Variants in ABLIM2 observed in about 807,000 individuals in gnomAD.
ABLIM2 encodes the protein actin-binding LIM protein 2.
Under a neutral mutation model 97.7 loss-of-function variants are expected in ABLIM2, and 53 were observed. The ratio of observed to expected loss-of-function variants is 0.54; its 90% CI spans 0.44 to 0.68. ABLIM2 has a LOEUF of 0.68. ABLIM2 is among the 30% of genes least tolerant of loss of function. The probability of loss-of-function intolerance (pLI) is 0.00; values close to 1 mark genes in which losing one functional copy is unlikely to be tolerated. For missense variants in ABLIM2, 835 were observed against 867.2 expected, an observed-to-expected ratio of 0.96 and a Z score of 0.47; for synonymous variants, 361 against 345.8, an observed-to-expected ratio of 1.04 and a Z score of -0.49.
intron 6 of ABLIM2, among the ~76,000 whole-genome samples, chr4:8,073,543 G>A (rs1813826009): frequency 6.6e-6 from 1 of 152,026 alleles, no homozygotes; most frequent in Non-Finnish European, 1.5e-5. Flanking sequence ...GCAAGGGGAG[G>A]GGTGAGGGAG....
At chr4:8,126,213 A>T (rs961100204) in intron 1 of ABLIM2, among the ~76,000 whole-genome samples, 1 of 152,300 alleles carries the variant, frequency 6.6e-6, no homozygotes, top group East Asian at 1.9e-4. Context: ...CAGAACCCAC[A>T]GGCCAGAAGG....
rs1789813002 is a variant in ABLIM2, at chr4:8,043,081, G to A, written c.900+2083C>T. ...TGGGAGGATCGCCTGAGCCCGGGGA[G>A]GTTGAGGCTGCCATGAGCCATGATC... On this transcript the variant is annotated intron_variant, in intron 9 of 20. Coordinates refer to ENST00000447017, the MANE Select transcript of ABLIM2 (RefSeq NM_001130083.2). The surrounding 1 kb of genome is among the most constrained non-coding windows in gnomAD (Gnocchi z 4.8). 6.6e-6 allele frequency among the ~76,000 whole-genome samples: 1 copy of A among 152,106 alleles called. No individual in the cohort carries two copies. Among genetic ancestry groups the A allele is most frequent in the African/African-American group, 2.4e-5 (1 of 41,408 alleles).
At chr4:8,041,017 T>C (rs1027136883) in intron 9 of ABLIM2, among the ~76,000 whole-genome samples, 1 of 152,194 alleles carries the variant, frequency 6.6e-6, no homozygotes, top group Non-Finnish European at 1.5e-5. Flanking sequence ...CTCCCTTGTG[T>C]CAAACTAAGA....
At chr4:8,152,082 C>T (rs559104446) in intron 1 of ABLIM2, among the ~76,000 whole-genome samples, 1 of 152,214 alleles carries the variant, frequency 6.6e-6, no homozygotes, top group Admixed American at 6.5e-5. Flanking sequence ...ACACCACGGC[C>T]CAGGCGAGAA....
chr4:8,126,872 C>T (rs577369813), intron 1 of ABLIM2, among the ~76,000 whole-genome samples: 2 of 152,142 alleles, frequency 1.3e-5, no homozygotes, highest in African/African-American at 4.8e-5. Context: ...TCAAGACCCA[C>T]CTGGGCAACA....
chr4:8,124,258 CT>C lies in ABLIM2; in HGVS notation c.11-17622del, dbSNP rs1846795856. 6.6e-6 allele frequency among the ~76,000 whole-genome samples: 1 copy of C among 152,244 alleles called. No individual in the cohort carries two copies. The highest frequency in any genetic ancestry group is 1.5e-5 in the Non-Finnish European group (1 of 68,050). ...CGGTGCACACATCTGAAAATCATAA[CT>C]TCATTGAGATATAATTCACATAGCC... is the stretch of plus-strand genomic sequence containing the variant. On this transcript the variant is annotated intron_variant, in intron 1 of 20. Transcript: ENST00000447017. This position sits in a 1 kb window ranked among gnomAD's most constrained non-coding sequence, Gnocchi z 6.1.
At chr4:8,080,514 C>T (rs1233496705) in intron 5 of ABLIM2, among the ~76,000 whole-genome samples, 162 bp downstream of exon 5, 1 of 152,216 alleles carries the variant, frequency 6.6e-6, no homozygotes, top group Non-Finnish European at 1.5e-5. Context: ...ATTCGCTGAG[C>T]TCTGAGCCAT....
At chr4:7,974,034 C>T (rs1025239180) in intron 20 of ABLIM2, among the ~76,000 whole-genome samples, 1 of 152,196 alleles carries the variant, frequency 6.6e-6, no homozygotes, top group African/African-American at 2.4e-5. Context: ...AGAAACCCAG[C>T]CTGGAATATC....
intron 18 of ABLIM2, 141 bp from the exon 19 acceptor site, chr4:7,983,695 G>A (rs995299143): frequency 6.7e-6 from 7 of 1,047,912 alleles, no homozygotes; most frequent in African/African-American, 3.2e-5. Flanking sequence ...CGAGCAGCCT[G>A]CACTGAGGCC....
In ABLIM2 at chr4:8,032,822, C is replaced by T. The variant is rs192029361; in HGVS notation, c.1048-3046G>A. 211 of 824,218 alleles carry T rather than the reference C, an allele frequency of 2.6e-4. 1 individual carries two copies. Among genetic ancestry groups the T allele is most frequent in the Non-Finnish European group, 3.9e-4 (195 of 502,374 alleles). The allele number at this position is 824,218 out of a possible 1,614,324, so 51.1% of individuals were successfully genotyped here. Reference sequence around the variant, plus strand: ...TCCAGACAGGAAAAGAACTCTACCCCGAGAGACACAAGTCAGGGTTCCAGA... The same window carrying T: ...TCCAGACAGGAAAAGAACTCTACCCTGAGAGACACAAGTCAGGGTTCCAGA... On this transcript the variant is annotated intron_variant, in intron 10 of 20. Transcript: ENST00000447017. This position sits in a 1 kb window ranked among gnomAD's most constrained non-coding sequence, Gnocchi z 4.3.
intron 2 of ABLIM2, among the ~76,000 whole-genome samples, chr4:8,098,419 T>G (rs1426180024): frequency 6.6e-6 from 1 of 152,226 alleles, no homozygotes; most frequent in Non-Finnish European, 1.5e-5. Flanking sequence ...AACTGTTACA[T>G]CATTCCTTTG....
In ABLIM2 at chr4:8,054,143, G is replaced by C. The variant is rs763519415; in HGVS notation, c.822+45C>G. On this transcript the variant is annotated intron_variant, in intron 8 of 20. Coordinates refer to ENST00000447017, the MANE Select transcript of ABLIM2 (RefSeq NM_001130083.2). The surrounding 1 kb of genome is among the most constrained non-coding windows in gnomAD (Gnocchi z 4.9). ...CTCTTAACTGTACAAAGATGGTGCA[G>C]GAGCAGTGAAGGGTACATCAGAGAC... is the stretch of plus-strand genomic sequence containing the variant. 1.9e-6 allele frequency: 3 copies of C among 1,593,884 alleles called. No homozygotes were observed. Among genetic ancestry groups the C allele is most frequent in the Non-Finnish European group, 2.6e-6 (3 of 1,161,562 alleles).
intron 8 of ABLIM2, among the ~76,000 whole-genome samples, chr4:8,051,865 G>A (rs967999393): frequency 2.6e-5 from 4 of 152,162 alleles, no homozygotes; most frequent in Admixed American, 1.3e-4. Context: ...GCTTTTCCAT[G>A]GGCTATGTGA....
In ABLIM2 at chr4:8,060,978, A is replaced by G; in HGVS notation, c.752T>C (p.Met251Thr). 1.3e-6 allele frequency: 2 copies of G among 1,591,060 alleles called. No individual in the cohort carries two copies. Among genetic ancestry groups the G allele is most frequent in the Non-Finnish European group, 1.7e-6 (2 of 1,168,566 alleles). The change falls in exon 7 of 21, where the codon ATG becomes ACG. Residue 251 changes from methionine (M) to threonine (T), a missense_variant. Coordinates refer to ENST00000447017, the MANE Select transcript of ABLIM2 (RefSeq NM_001130083.2). ...CGQMFAEGEE[M>T]YLQGSSIWHP... Reference sequence around the variant, plus strand: ...ATTTTAATTTGTACCTTGAAGATACATCTCTTCGCCTTCTGCAAACATCTG... The same window carrying G: ...ATTTTAATTTGTACCTTGAAGATACGTCTCTTCGCCTTCTGCAAACATCTG...
At chr4:8,057,100 T>TTC (rs1421229297) in intron 7 of ABLIM2, among the ~76,000 whole-genome samples, 1 of 78,872 alleles carries the variant, frequency 1.3e-5, no homozygotes, top group Admixed American at 1.4e-4. Flanking sequence ...CTTTCTTTCT[T>TTC]TTTTTTTTTT....
At position 8,155,744 on chromosome 4, in the gene ABLIM2, G is replaced by C. The variant is rs948763524; in HGVS notation, c.10+2936C>G. On this transcript the variant is annotated intron_variant, in intron 1 of 20. Transcript: ENST00000447017. This position sits in a 1 kb window ranked among gnomAD's most constrained non-coding sequence, Gnocchi z 4.2. ...TTTCATAAGAACAGATTAGGACACA[G>C]ACACACACAAAGGGAAGACGGGACG... Among the ~76,000 whole-genome samples the C allele has an allele frequency of 8.8e-5, 12 of 137,056 alleles. No homozygotes were observed. The highest frequency in any genetic ancestry group is 4.4e-4 in the Admixed American group (6 of 13,758). 89.9% of individuals were successfully genotyped at this position (137,056 alleles called of 152,430 possible). A position where few individuals can be genotyped will look rare whatever the true frequency, so the allele number is the denominator to read the frequency against.
intron 9 of ABLIM2, among the ~76,000 whole-genome samples, chr4:8,040,730 G>A (rs971947329): frequency 6.6e-6 from 1 of 152,228 alleles, no homozygotes; most frequent in African/African-American, 2.4e-5. Flanking sequence ...CCACTCATGT[G>A]GCACCAACCC....
Position 8,002,443 on chromosome 4 carries a change from G to A in ABLIM2, c.1618+5616C>T, listed in dbSNP as rs1162058326. On this transcript the variant is annotated intron_variant, in intron 16 of 20. Transcript: ENST00000447017. The surrounding 1 kb of genome is among the most constrained non-coding windows in gnomAD (Gnocchi z 6.1). ...CTTTTGTGGGAGCCCTTTTCCTCTC[G>A]CCCTGACTGGGCAGCCTCCAGTCCA... Among the ~76,000 whole-genome samples the A allele has an allele frequency of 1.3e-5, 2 of 152,106 alleles. No individual in the cohort carries two copies. The highest frequency in any genetic ancestry group is 2.1e-4 in the South Asian group (1 of 4,824).
intron 10 of ABLIM2, among the ~76,000 whole-genome samples, chr4:8,034,238 TGGTA>T (rs969334561): frequency 4.4e-4 from 67 of 152,180 alleles, no homozygotes; most frequent in African/African-American, 1.4e-3. Flanking sequence ...CCTGGGCATG[TGGTA>T]GGTGGGTACA....
Sources: gnomAD v4.1 joint callset for allele counts (sites outside exome capture counted in the v4.1 genomes callset) on GRCh38, gnomAD v4.1.1 for gene constraint, Gnocchi (gnomAD v3.1) non-coding constraint, MANE v1.5 for transcripts, NCBI Gene and HGNC (gene_info 2026-07-23, HGNC 2026-07-21) for gene names.